The following ATRNL1 variants were observed in gnomAD, a reference collection of about 807,000 sequenced individuals.
ATRNL1 encodes attractin like 1.
A neutral mutation model predicts 182.7 loss-of-function variants in ATRNL1; 95 were observed. The observed-to-expected ratio is 0.52, with a 90% CI of 0.44 to 0.62. The LOEUF is 0.62. Among genes scored for constraint, ATRNL1 ranks in the 20% least tolerant of loss-of-function variants. The pLI is 0.00. For missense variants in ATRNL1, 1,471 were observed against 1,679.5 expected (o/e 0.88, Z 2.17); for synonymous variants, 576 against 568.3 (o/e 1.01, Z -0.19).
At chr10:115,840,723 G>A (rs185032752) in intron 27 of ATRNL1, among the ~76,000 whole-genome samples, 109 of 152,194 alleles carry the variant, frequency 7.2e-4, no homozygotes, top group African/African-American at 2.6e-3. Flanking sequence ...AGAGAGTAGA[G>A]CAAAGAGGTC....
At chr10:115,536,013 C>T (rs1851970151) in intron 25 of ATRNL1, among the ~76,000 whole-genome samples, 1 of 150,874 alleles carries the variant, frequency 6.6e-6, no homozygotes, top group Admixed American at 6.6e-5. Flanking sequence ...TGTCAGTCTG[C>T]CCCTACTGGG....
intron 26 of ATRNL1, among the ~76,000 whole-genome samples, chr10:115,627,572 G>A (rs564608696): frequency 2.6e-5 from 4 of 152,104 alleles, no homozygotes; most frequent in Admixed American, 2.6e-4. Context: ...CACCAAGTTG[G>A]CCAGGCTGGT....
At chr10:115,187,564 T>G (rs1175640001) in intron 8 of ATRNL1, among the ~76,000 whole-genome samples, 2 of 151,980 alleles carry the variant, frequency 1.3e-5, no homozygotes, top group African/African-American at 4.8e-5. Flanking sequence ...ATGTACTCAG[T>G]TCACAAAATT....
intron 27 of ATRNL1, among the ~76,000 whole-genome samples, chr10:115,822,630 C>A (rs1463612064): frequency 1.3e-5 from 2 of 152,058 alleles, no homozygotes; most frequent in Non-Finnish European, 2.9e-5. Context: ...ATACAAACTA[C>A]CATCAGAGAA....
At chr10:115,133,300 T>C (rs1554875687) in intron 5 of ATRNL1, among the ~76,000 whole-genome samples, 1 of 152,176 alleles carries the variant, frequency 6.6e-6, no homozygotes, top group Non-Finnish European at 1.5e-5. Flanking sequence ...TATCTCTGTT[T>C]TGATACCAGT....
rs782603250 is a variant in ATRNL1 at position 115,301,961 on chromosome 10, G to A, written c.2736G>A (p.Thr912=). The A allele has an allele frequency of 6.2e-6, 10 of 1,613,966 alleles. No individual in the cohort carries two copies. Among genetic ancestry groups the A allele is most frequent in the South Asian group, 5.5e-5 (5 of 91,084 alleles). The change falls in exon 17 of 29, where the codon ACG becomes ACA. Residue 912 remains threonine, a synonymous_variant. Transcript: ENST00000355044. ...NGMECMWCSS[T]KRCVDSNAYI... ...TGGAGTGTATGTGGTGCAGCAGTAC[G>A]AAACGATGTGTTGACTCTAATGCCT...
intron 18 of ATRNL1, among the ~76,000 whole-genome samples, chr10:115,318,409 A>G (rs532389105): frequency 1.3e-3 from 202 of 152,278 alleles, no homozygotes; most frequent in Middle Eastern, 6.8e-3. Flanking sequence ...TTATAAAATT[A>G]GTTAGAGAGG....
At chr10:115,807,754 A>G (rs187335652) in intron 27 of ATRNL1, among the ~76,000 whole-genome samples, 20 of 152,306 alleles carry the variant, frequency 1.3e-4, no homozygotes, top group Admixed American at 5.2e-4. Flanking sequence ...TCTATTGTTT[A>G]TCTAGTTAAT....
intron 1 of ATRNL1, among the ~76,000 whole-genome samples, chr10:115,116,873 CCTTTT>C (rs1331581129): frequency 6.6e-6 from 1 of 151,846 alleles, no homozygotes; most frequent in Non-Finnish European, 1.5e-5. Context: ...TGAGTAGTTT[CCTTTT>C]AAGTTTGGGA....
intron 9 of ATRNL1, among the ~76,000 whole-genome samples, chr10:115,226,592 T>C (rs1339983942): frequency 6.6e-6 from 1 of 151,254 alleles, no homozygotes; most frequent in African/African-American, 2.4e-5. Context: ...AAAATTAATA[T>C]ATAACCAAAA....
intron 24 of ATRNL1, among the ~76,000 whole-genome samples, chr10:115,510,792 T>C (rs1820954814): frequency 6.6e-6 from 1 of 151,980 alleles, no homozygotes; most frequent in Non-Finnish European, 1.5e-5. Flanking sequence ...GATTGGTATA[T>C]GATATGTTAA....
chr10:115,868,411 C>G lies in ATRNL1; in HGVS notation c.4018+20420C>G, dbSNP rs376692328. 4.6e-5 allele frequency among the ~76,000 whole-genome samples: 7 copies of G among 152,294 alleles called. No homozygotes were observed. In the East Asian group the frequency reaches 1.4e-3, roughly 29 times the overall value. ...GGACAATTGGGTGCACTCTCATTTT[C>G]TCCAACCCACTCATTACCCTAAGAG... On this transcript the variant is annotated intron_variant, in intron 28 of 28. Coordinates refer to ENST00000355044, the MANE Select transcript of ATRNL1 (RefSeq NM_207303.4).
At chr10:115,736,138 C>G (rs1304276995) in intron 27 of ATRNL1, among the ~76,000 whole-genome samples, 1 of 152,170 alleles carries the variant, frequency 6.6e-6, no homozygotes, top group Non-Finnish European at 1.5e-5. Context: ...TATTCCCCTT[C>G]TAAGACTCTG....
At chr10:115,401,098 A>AC (rs2134302799) in intron 20 of ATRNL1, among the ~76,000 whole-genome samples, 1 of 151,822 alleles carries the variant, frequency 6.6e-6, no homozygotes, top group African/African-American at 2.4e-5. Context: ...ATGGAATAGC[A>AC]CCCCCTAGAA....
intron 5 of ATRNL1, among the ~76,000 whole-genome samples, chr10:115,130,299 A>G (rs568205416): frequency 5.3e-5 from 8 of 152,120 alleles, no homozygotes; most frequent in Non-Finnish European, 1.0e-4. Flanking sequence ...CAATAATTAC[A>G]TAACCTGAAG....
At chr10:115,356,659 G>C (rs1169647227) in intron 19 of ATRNL1, among the ~76,000 whole-genome samples, 1 of 151,734 alleles carries the variant, frequency 6.6e-6, no homozygotes, top group Non-Finnish European at 1.5e-5. Context: ...GGGGAACTTT[G>C]CCATGGCTTT....
intron 24 of ATRNL1, among the ~76,000 whole-genome samples, chr10:115,474,413 T>A (rs906574575): frequency 6.6e-6 from 1 of 151,396 alleles, no homozygotes; most frequent in Non-Finnish European, 1.5e-5. Context: ...TTATGATGTG[T>A]CCTAGTGAAG....
At chr10:115,655,016 T>G (rs1234414938) in intron 26 of ATRNL1, among the ~76,000 whole-genome samples, 1 of 150,746 alleles carries the variant, frequency 6.6e-6, no homozygotes, top group East Asian at 2.0e-4. Flanking sequence ...TGAGGAGGAG[T>G]GAAAGAGGGA....
intron 25 of ATRNL1, among the ~76,000 whole-genome samples, chr10:115,533,364 T>G (rs1554989080): frequency 6.6e-6 from 1 of 152,100 alleles, no homozygotes; most frequent in Non-Finnish European, 1.5e-5. Context: ...TATCCATTTC[T>G]TCTAGATTTT....
Sources: allele counts gnomAD v4.1 joint callset (sites outside exome capture counted in the v4.1 genomes callset), GRCh38; gene constraint gnomAD v4.1.1; transcripts MANE v1.5; gene names NCBI Gene and HGNC (gene_info 2026-07-23, HGNC 2026-07-21).